CTDSP2: variants seen among roughly 807,000 people sequenced by gnomAD.
The protein encoded by CTDSP2 is carboxy-terminal domain RNA polymerase II polypeptide A small phosphatase 2.
A neutral mutation model predicts 31.6 loss-of-function variants in CTDSP2; 9 were observed. The ratio of observed to expected loss-of-function variants is 0.28; its 90% confidence interval spans 0.17 to 0.50. The LOEUF is 0.50. CTDSP2 is among the 20% of genes least tolerant of loss of function. CTDSP2 has a pLI of 0.98. For synonymous variants in CTDSP2, 134 were observed against 134.5 expected (o/e 1.00, Z 0.03); for missense variants, 267 against 348.5 (o/e 0.77, Z 1.86).
Position 57,822,124 on chromosome 12 carries a change from G to A in CTDSP2, c.*1478C>T, listed in dbSNP as rs1956150542. On this transcript the variant is annotated 3_prime_UTR_variant, in exon 8 of 8. Transcript: ENST00000398073. Reference sequence around the variant, plus strand: ...ACCCCAGGAGGAGGGAGGGAGGGAGGAGAGAACCCCACCCACCCCAGGGAG... The same window carrying A: ...ACCCCAGGAGGAGGGAGGGAGGGAGAAGAGAACCCCACCCACCCCAGGGAG... The A allele has an allele frequency of 6.6e-6, 1 of 152,380 alleles. No homozygotes were observed. The highest frequency in any genetic ancestry group is 2.4e-5 in the African/African-American group (1 of 41,412). The allele number at this position is 152,380 out of a possible 1,614,324, so 9.4% of individuals were successfully genotyped here.
In CTDSP2 at chr12:57,846,423, A is replaced by C. The variant is rs1956316897; in HGVS notation, c.13T>G (p.Ser5Ala). 2 of 1,604,078 alleles carry C rather than the reference A, an allele frequency of 1.2e-6. No individual in the cohort carries two copies. The highest frequency in any genetic ancestry group is 1.7e-6 in the Non-Finnish European group (2 of 1,175,810). ...TCCCTCCGCGCCTGGGTGATGATGGAGCCGTGTTCCATCTAACAATCCCGC... is the reference window on the plus strand; with the variant it reads ...TCCCTCCGCGCCTGGGTGATGATGGCGCCGTGTTCCATCTAACAATCCCGC... MEHG[S>A]IITQARREDA... Residue 5 changes from serine (S) to alanine (A), a missense_variant, in exon 1 of 8, where the codon TCC (serine) becomes GCC (alanine). Coordinates refer to ENST00000398073, the MANE Select transcript of CTDSP2 (RefSeq NM_005730.4).
At chr12:57,827,251 T>A in intron 3 of CTDSP2, 154 bp from the exon 4 acceptor site, 1 of 646,210 alleles carries the variant, frequency 1.5e-6, no homozygotes, top group Non-Finnish European at 2.7e-6. Flanking sequence ...GAGGTGGAGT[T>A]GTTTCCTTGG....
At position 57,820,188 on chromosome 12, in the gene CTDSP2, G is replaced by A. The variant is rs1956135500; in HGVS notation, c.*3414C>T. 1 of 152,542 alleles carries A rather than the reference G, an allele frequency of 6.6e-6. No individual in the cohort carries two copies. Among genetic ancestry groups the A allele is most frequent in the Non-Finnish European group, 1.5e-5 (1 of 68,024 alleles). The allele number at this position is 152,542 out of a possible 1,614,324, so 9.4% of individuals were successfully genotyped here. A position where few individuals can be genotyped will look rare whatever the true frequency, so the allele number is the denominator to read the frequency against. On this transcript the variant is annotated 3_prime_UTR_variant, in exon 8 of 8. Transcript: ENST00000398073. The stretch of plus-strand genomic sequence containing the variant: ...GAACATGATAAGCAAAAAAGCTCAC[G>A]AGGCCCAAAGAGGAGGGTCCGCTCC...
At position 57,822,104 on chromosome 12, in the gene CTDSP2, AGGAGGAGGGAGGGAG is replaced by A. The variant is rs1177980888; in HGVS notation, c.*1483_*1497del. 2.6e-5 allele frequency: 4 copies of A among 152,162 alleles called. No homozygotes were observed. The highest frequency in any genetic ancestry group is 1.9e-4 in the East Asian group (1 of 5,152). The allele number at this position is 152,162 out of a possible 1,614,324, so 9.4% of individuals were successfully genotyped here. A position where few individuals can be genotyped will look rare whatever the true frequency, so the allele number is the denominator to read the frequency against. ...GGGAACAGGAGCGCCCTCCCACCCC[AGGAGGAGGGAGGGAG>A]GGAGGAGAGAACCCCACCCACCCCA... On this transcript the variant is annotated 3_prime_UTR_variant, in exon 8 of 8. Coordinates refer to ENST00000398073, the MANE Select transcript of CTDSP2 (RefSeq NM_005730.4).
chr12:57,839,892 G>A (rs1227312013), intron 1 of CTDSP2, among the ~76,000 whole-genome samples: 1 of 152,002 alleles, frequency 6.6e-6, no homozygotes, highest in Non-Finnish European at 1.5e-5. Context: ...TGAGATACGA[G>A]ATATAAAATG....
In CTDSP2 at chr12:57,823,145, T is replaced by C. The variant is rs1292695103; in HGVS notation, c.*457A>G. 5.9e-6 allele frequency: 1 copy of C among 168,340 alleles called. No homozygotes were observed. Among genetic ancestry groups the C allele is most frequent in the Non-Finnish European group, 1.3e-5 (1 of 76,490 alleles). The allele number at this position is 168,340 out of a possible 1,614,324, so 10.4% of individuals were successfully genotyped here. ...GCCTGGAGTACCCAAAGGCATACCC[T>C]TCCTTTATCCTTGGCATAGGCCTTA... On this transcript the variant is annotated 3_prime_UTR_variant, in exon 8 of 8. Transcript: ENST00000398073.
At chr12:57,836,497 A>G (rs949698286) in intron 1 of CTDSP2, among the ~76,000 whole-genome samples, 2 of 151,328 alleles carry the variant, frequency 1.3e-5, no homozygotes, top group African/African-American at 4.9e-5. Flanking sequence ...CTGTTCTACC[A>G]AAAAAAAATT....
At position 57,823,566 on chromosome 12, in the gene CTDSP2, C is replaced by T. The variant is rs201189107; in HGVS notation, c.*36G>A. Reference sequence around the variant, plus strand: ...GTAAAGGCACAGTGTGGGAAAGTCCCCTACTGGGATGGCCGTCGCTTGGAA... The same window carrying T: ...GTAAAGGCACAGTGTGGGAAAGTCCTCTACTGGGATGGCCGTCGCTTGGAA... On this transcript the variant is annotated 3_prime_UTR_variant, in exon 8 of 8. Transcript: ENST00000398073. The T allele has an allele frequency of 6.2e-7, 1 of 1,610,662 alleles. No homozygotes were observed. Among genetic ancestry groups the T allele is most frequent in the African/African-American group, 1.3e-5 (1 of 75,038 alleles).
At position 57,846,526 on chromosome 12, in the gene CTDSP2, T is replaced by C; in HGVS notation, c.-91A>G. 9.4e-7 allele frequency: 1 copy of C among 1,069,432 alleles called. No homozygotes were observed. Among genetic ancestry groups the C allele is most frequent in the Non-Finnish European group, 1.3e-6 (1 of 783,482 alleles). The allele number at this position is 1,069,432 out of a possible 1,614,324, so 66.2% of individuals were successfully genotyped here. A position where few individuals can be genotyped will look rare whatever the true frequency, so the allele number is the denominator to read the frequency against. ...CTGGGGGGCCTGGGCGGGGGCCCGC[T>C]CCGGCTCCCGAGACTCCGACTTCCA... is the stretch of plus-strand genomic sequence containing the variant. On this transcript the variant is annotated 5_prime_UTR_variant, in exon 1 of 8. Transcript: ENST00000398073.
At chr12:57,830,178 G>A (rs943810196) in intron 1 of CTDSP2, among the ~76,000 whole-genome samples, 7 of 152,176 alleles carry the variant, frequency 4.6e-5, no homozygotes, top group Non-Finnish European at 1.0e-4. Flanking sequence ...GAGGTCAGAA[G>A]ATTGAGACCA....
intron 1 of CTDSP2, among the ~76,000 whole-genome samples, chr12:57,841,365 C>T (rs1380716447): frequency 1.3e-5 from 2 of 152,158 alleles, no homozygotes; most frequent in African/African-American, 4.8e-5. Context: ...TTAAAATTAC[C>T]TAAAAGAAAC....
chr12:57,826,184 C>G lies in CTDSP2; in HGVS notation c.411+162G>C, dbSNP rs187770984. 3.2e-4 allele frequency among the ~76,000 whole-genome samples: 49 copies of G among 152,102 alleles called. No homozygotes were observed. In the South Asian group the frequency reaches 5.4e-3, roughly 17 times the overall value. On this transcript the variant is annotated intron_variant, in intron 5 of 7. Transcript: ENST00000398073. The stretch of plus-strand genomic sequence containing the variant: ...AAACTCTTTTTTTAAGGTGAGAAAG[C>G]CTTGAGTGAAAGATACCAATAAAAA...
At position 57,846,502 on chromosome 12, in the gene CTDSP2, TGGGGGGCCTGGGCG is replaced by T. The variant is rs1294710682; in HGVS notation, c.-81_-68del. Reference sequence around the variant, plus strand: ...GGCGGGCGCGCGGGCTGGGCTGGGCTGGGGGGCCTGGGCGGGGGCCCGCTCCGGCTCCCGAGACT... The same window carrying T: ...GGCGGGCGCGCGGGCTGGGCTGGGCTGGGGCCCGCTCCGGCTCCCGAGACT... On this transcript the variant is annotated 5_prime_UTR_variant, in exon 1 of 8. Transcript: ENST00000398073. 7 of 1,333,846 alleles carry T rather than the reference TGGGGGGCCTGGGCG, an allele frequency of 5.2e-6. No individual in the cohort carries two copies. The African/African-American group carries it at 9.4e-5, about 18-fold the overall frequency. The allele number at this position is 1,333,846 out of a possible 1,614,324, so 82.6% of individuals were successfully genotyped here. A position where few individuals can be genotyped will look rare whatever the true frequency, so the allele number is the denominator to read the frequency against.
chr12:57,824,395 A>G, intron 5 of CTDSP2, 76 bp from the exon 6 acceptor site: 2 of 1,087,456 alleles, frequency 1.8e-6, no homozygotes, highest in Non-Finnish European at 2.8e-6. Flanking sequence ...TTCACCAGTT[A>G]CACAGCAGCA....
intron 1 of CTDSP2, among the ~76,000 whole-genome samples, chr12:57,840,078 C>T (rs1956273505): frequency 6.6e-6 from 1 of 152,136 alleles, no homozygotes; most frequent in Non-Finnish European, 1.5e-5. Context: ...AGGAATTTTC[C>T]TGCTCGGGGC....
At position 57,822,018 on chromosome 12, in the gene CTDSP2, C is replaced by T. The variant is rs939553229; in HGVS notation, c.*1584G>A. ...GGGAAGAGTCCTGAGTGGGTGGTGT[C>T]CCTGCACCTAAAGCAATTCACAAAT... is the stretch of plus-strand genomic sequence containing the variant. On this transcript the variant is annotated 3_prime_UTR_variant, in exon 8 of 8. Coordinates refer to ENST00000398073, the MANE Select transcript of CTDSP2 (RefSeq NM_005730.4). 2.0e-5 allele frequency: 3 copies of T among 152,168 alleles called. No individual in the cohort carries two copies. Among genetic ancestry groups the T allele is most frequent in the African/African-American group, 7.2e-5 (3 of 41,398 alleles). 9.4% of individuals were successfully genotyped at this position (152,168 alleles called of 1,614,324 possible).
intron 1 of CTDSP2, among the ~76,000 whole-genome samples, chr12:57,840,953 C>A (rs562162286): frequency 6.6e-6 from 1 of 152,312 alleles, no homozygotes; most frequent in African/African-American, 2.4e-5. Flanking sequence ...CATACTCAGA[C>A]CTGAAGGGCT....
chr12:57,845,809 G>A lies in CTDSP2; in HGVS notation c.64+563C>T, dbSNP rs1013063282. 2.6e-5 allele frequency among the ~76,000 whole-genome samples: 4 copies of A among 152,182 alleles called. No homozygotes were observed. The South Asian group carries it at 8.3e-4, about 32-fold the overall frequency. ...GCCACGTCTGGTGCGCCAGGGCCCGGGCCCCTCCCCCACCGCGACCGCCCC... is the reference window on the plus strand; with the variant it reads ...GCCACGTCTGGTGCGCCAGGGCCCGAGCCCCTCCCCCACCGCGACCGCCCC... On this transcript the variant is annotated intron_variant, in intron 1 of 7. Coordinates refer to ENST00000398073, the MANE Select transcript of CTDSP2 (RefSeq NM_005730.4).
chr12:57,826,188 G>C (rs140762395), intron 5 of CTDSP2, among the ~76,000 whole-genome samples, 158 bp downstream of exon 5: 4 of 152,284 alleles, frequency 2.6e-5, no homozygotes, highest in African/African-American at 9.6e-5. Flanking sequence ...AGAAAGCCTT[G>C]AGTGAAAGAT....
Sources: allele counts gnomAD v4.1 joint callset (sites outside exome capture counted in the v4.1 genomes callset), GRCh38; gene constraint gnomAD v4.1.1; transcripts MANE v1.5; gene names NCBI Gene and HGNC (gene_info 2026-07-23, HGNC 2026-07-21).